CEP162: variants seen among roughly 807,000 people sequenced by gnomAD.
The protein encoded by CEP162 is centrosomal protein 162, also known as centrosomal protein of 162 kDa.
CEP162 carries 141 observed loss-of-function variants against 169.2 expected under a neutral mutation model. That is an observed-to-expected ratio of 0.83 (90% CI 0.73 to 0.96). The LOEUF (loss-of-function observed/expected upper bound fraction) is 0.96, where lower values mean the gene tolerates loss of function less well. CEP162 is among the 40% of genes least tolerant of loss of function. The pLI is 0.00. For missense variants in CEP162, 1,600 were observed against 1,587.2 expected, an observed-to-expected ratio of 1.01 and a Z score of -0.14; for synonymous variants, 540 against 526.4, an observed-to-expected ratio of 1.03 and a Z score of -0.35.
At chr6:84,196,144 T>G (rs140079362) in intron 9 of CEP162, among the ~76,000 whole-genome samples, 118 of 152,282 alleles carry the variant, frequency 7.7e-4, no homozygotes, top group African/African-American at 2.6e-3. Flanking sequence ...CCCACAATTC[T>G]CATGTGTCAT....
Position 84,124,798 on chromosome 6 carries a change from ATTTC to A in CEP162, c.*268_*271del, listed in dbSNP as rs2099508257. 8 of 401,984 alleles carry A rather than the reference ATTTC, an allele frequency of 2.0e-5. No individual in the cohort carries two copies. Among genetic ancestry groups the A allele is most frequent in the Middle Eastern group, 6.3e-4 (1 of 1,592 alleles). 24.9% of individuals were successfully genotyped at this position (401,984 alleles called of 1,614,324 possible). A position where few individuals can be genotyped will look rare whatever the true frequency, so the allele number is the denominator to read the frequency against. On this transcript the variant is annotated 3_prime_UTR_variant, in exon 27 of 27. Transcript: ENST00000403245. ...GTATGTTCAATTTTCTTTTCTTTCTATTTCTAGCATACAAGTGAGCCCTTCTCTG... is the reference window on the plus strand; with the variant it reads ...GTATGTTCAATTTTCTTTTCTTTCTATAGCATACAAGTGAGCCCTTCTCTG...
At chr6:84,216,272 T>C (rs1220260907) in intron 3 of CEP162, among the ~76,000 whole-genome samples, 1 of 152,180 alleles carries the variant, frequency 6.6e-6, no homozygotes, top group Non-Finnish European at 1.5e-5. Context: ...AGAGAGTTTT[T>C]GGTGCTGAAC....
At chr6:84,186,876 AT>A (rs1210394475) in intron 11 of CEP162, among the ~76,000 whole-genome samples, 1 of 152,184 alleles carries the variant, frequency 6.6e-6, no homozygotes, top group Non-Finnish European at 1.5e-5. Flanking sequence ...GCTGAGATCT[AT>A]TTTAGAGAAA....
chr6:84,202,342 G>A (rs1024506055), intron 7 of CEP162, among the ~76,000 whole-genome samples: 3 of 152,042 alleles, frequency 2.0e-5, no homozygotes, highest in African/African-American at 7.2e-5. Context: ...GGCAGTTTGT[G>A]GGACCTTCCA....
Position 84,141,651 on chromosome 6 carries a change from G to A in CEP162, c.3870+5036C>T, listed in dbSNP as rs796998329. 5.3e-4 allele frequency among the ~76,000 whole-genome samples: 81 copies of A among 152,232 alleles called. 1 individual carries two copies. The highest frequency in any genetic ancestry group is 1.9e-3 in the African/African-American group (78 of 41,552). On this transcript the variant is annotated intron_variant, in intron 25 of 26. Transcript: ENST00000403245. ...CCTTCCTCTGAAAGATTTACAGAAA[G>A]TACTCCAGCCTGATATCCAGGGCCG...
At chr6:84,163,935 A>G (rs754747465) in intron 18 of CEP162, among the ~76,000 whole-genome samples, 18 of 151,986 alleles carry the variant, frequency 1.2e-4, no homozygotes, top group Non-Finnish European at 2.2e-4. Context: ...GAATGGGAGG[A>G]AATTTTTGCA....
chr6:84,222,937 T>G (rs1208368102), intron 2 of CEP162, among the ~76,000 whole-genome samples: 1 of 152,266 alleles, frequency 6.6e-6, no homozygotes, highest in African/African-American at 2.4e-5. Context: ...TTAAACCATC[T>G]GAATTTCTGA....
chr6:84,211,925 T>C (rs1225660445), intron 6 of CEP162, among the ~76,000 whole-genome samples: 1 of 132,862 alleles, frequency 7.5e-6, no homozygotes, highest in African/African-American at 2.8e-5. Context: ...ACCTTGAAAA[T>C]AGAGAAAAAA....
chr6:84,222,342 C>T (rs966852124), intron 2 of CEP162, among the ~76,000 whole-genome samples: 11 of 152,172 alleles, frequency 7.2e-5, no homozygotes, highest in East Asian at 1.9e-4. Context: ...TCACTTCCTC[C>T]GGGTTATTCT....
chr6:84,185,174 A>T lies in CEP162; in HGVS notation c.1663+13T>A. ...AAGTAAAACAATATACTAAATAAAG[A>T]GTATATGATTACCTTTTTTCCTAGG... On this transcript the variant is annotated intron_variant, in intron 13 of 26. Coordinates refer to ENST00000403245, the MANE Select transcript of CEP162 (RefSeq NM_014895.4). The T allele has an allele frequency of 6.3e-7, 1 of 1,592,458 alleles. No individual in the cohort carries two copies. The highest frequency in any genetic ancestry group is 2.2e-5 in the East Asian group (1 of 44,732).
intron 25 of CEP162, among the ~76,000 whole-genome samples, chr6:84,143,521 G>A (rs984164243): frequency 1.2e-4 from 18 of 151,878 alleles, no homozygotes; most frequent in African/African-American, 3.6e-4. Context: ...TTTCGTTAAG[G>A]GAAAAAATAA....
At chr6:84,189,108 G>A (rs1168614229) in intron 11 of CEP162, among the ~76,000 whole-genome samples, 1 of 151,964 alleles carries the variant, frequency 6.6e-6, no homozygotes, top group Non-Finnish European at 1.5e-5. Context: ...CTGGAGAGCA[G>A]TGGTGTGACC....
intron 18 of CEP162, among the ~76,000 whole-genome samples, chr6:84,163,764 G>A (rs997511950): frequency 2.6e-5 from 4 of 151,838 alleles, no homozygotes; most frequent in Non-Finnish European, 5.9e-5. Flanking sequence ...TCAGGAATTC[G>A]AGACCAGTAT....
chr6:84,179,346 C>G (rs569079504), intron 13 of CEP162, among the ~76,000 whole-genome samples: 1 of 152,134 alleles, frequency 6.6e-6, no homozygotes, highest in Non-Finnish European at 1.5e-5. Context: ...TTTTAATGAT[C>G]GCCATTCTAA....
In CEP162 at chr6:84,149,829, T is replaced by C. The variant is rs981601360; in HGVS notation, c.3630-126A>G. 1.0e-5 allele frequency: 7 copies of C among 683,816 alleles called. No homozygotes were observed. In the Admixed American group the frequency reaches 2.2e-4, roughly 22 times the overall value. The allele number at this position is 683,816 out of a possible 1,614,324, so 42.4% of individuals were successfully genotyped here. A position where few individuals can be genotyped will look rare whatever the true frequency, so the allele number is the denominator to read the frequency against. The stretch of plus-strand genomic sequence containing the variant: ...GGGGAAAATGGGCACCAATATTAAC[T>C]GCACTGTGTTAGGTGCTTTATACAT... On this transcript the variant is annotated intron_variant, in intron 23 of 26. Coordinates refer to ENST00000403245, the MANE Select transcript of CEP162 (RefSeq NM_014895.4).
At chr6:84,169,268 A>G (rs1362901353) in intron 18 of CEP162, 60 bp downstream of exon 18, 42 of 918,760 alleles carry the variant, frequency 4.6e-5, no homozygotes, top group Non-Finnish European at 6.2e-5. Context: ...TTTGTATAAA[A>G]ATGGGGATTT....
Position 84,186,410 on chromosome 6 carries a change from A to G in CEP162, c.1323T>C (p.Asp441=). ...TCCTCAAAATATTAAGGTACATTTT[A>G]TCAACATGTTCTTCTGTGGCAGTTA... The part of the protein sequence containing the change: ...TEVTATEEHV[D]KMYLNILRKK... The change falls in exon 12 of 27, where the codon GAT becomes GAC. Residue 441 remains aspartate (D), a synonymous_variant. Transcript: ENST00000403245. 1 of 1,577,530 alleles carries G rather than the reference A, an allele frequency of 6.3e-7. No homozygotes were observed. The highest frequency in any genetic ancestry group is 8.7e-7 in the Non-Finnish European group (1 of 1,146,682).
intron 17 of CEP162, 65 bp from the exon 18 acceptor site, chr6:84,169,498 T>C: frequency 2.2e-6 from 2 of 906,982 alleles, no homozygotes; most frequent in Non-Finnish European, 1.7e-6. Flanking sequence ...CAGTAGAAAA[T>C]ATTCAATTCT....
intron 25 of CEP162, among the ~76,000 whole-genome samples, chr6:84,132,954 A>T (rs879938885): frequency 6.6e-6 from 1 of 151,946 alleles, no homozygotes; most frequent in Non-Finnish European, 1.5e-5. Context: ...TGGAATTTTC[A>T]GCTTTTCTGC....
Sources: allele counts gnomAD v4.1 joint callset (sites outside exome capture counted in the v4.1 genomes callset), GRCh38; gene constraint gnomAD v4.1.1; transcripts MANE v1.5; gene names NCBI Gene and HGNC (gene_info 2026-07-23, HGNC 2026-07-21).